SPG11: variants seen among roughly 807,000 people sequenced by gnomAD.
SPG11 encodes the protein spatacsin.
In SPG11, 222 loss-of-function variants were observed where a neutral mutation model predicts 274.0. That is an observed-to-expected ratio of 0.81 (90% CI 0.73 to 0.91). SPG11 has a LOEUF of 0.91. SPG11 is among the 40% of genes least tolerant of loss of function. SPG11 has a pLI of 0.00. For synonymous variants in SPG11, 1,144 were observed against 1,039.7 expected (o/e 1.10, Z -1.93); for missense variants, 3,114 against 2,872.7 (o/e 1.08, Z -1.92).
Position 44,564,697 on chromosome 15 carries a change from G to C in SPG11, c.7001C>G (p.Ala2334Gly), listed in dbSNP as rs566449829. 2.5e-6 allele frequency: 4 copies of C among 1,613,996 alleles called. No individual in the cohort carries two copies. The African/African-American group carries it at 4.0e-5, about 16-fold the overall frequency. Reference protein sequence around the residue: ...CILALPRFYQASIVAEAYDFV... With the variant: ...CILALPRFYQGSIVAEAYDFV... ...ATCGTAGGCCTCAGCCACAATAGAA[G>C]CCTTAAAAGGAGAGGTGAAGAAGGA... is the stretch of plus-strand genomic sequence containing the variant. The change falls in exon 39 of 40, where the codon GCT becomes GGT. Residue 2334 changes from alanine to glycine, a missense_variant and splice_region_variant. Ala to Gly is a moderately conservative substitution (Grantham distance 60, BLOSUM62 0). Transcript: ENST00000261866.
At chr15:44,658,407 G>A (rs914341118) in intron 3 of SPG11, among the ~76,000 whole-genome samples, 1 of 150,910 alleles carries the variant, frequency 6.6e-6, no homozygotes, top group African/African-American at 2.4e-5. Context: ...AACATCATTA[G>A]AGACAAGAGG....
intron 26 of SPG11, among the ~76,000 whole-genome samples, chr15:44,594,616 A>AG (rs2082987484): frequency 7.4e-6 from 1 of 134,538 alleles, no homozygotes; most frequent in South Asian, 2.4e-4. Flanking sequence ...AAAAAAAAAA[A>AG]GCCAGGCATG....
chr15:44,619,501 A>T (rs1436155304), intron 15 of SPG11, among the ~76,000 whole-genome samples: 1 of 152,192 alleles, frequency 6.6e-6, no homozygotes, highest in Non-Finnish European at 1.5e-5. Flanking sequence ...TTAATTCAGC[A>T]GTTCTCTTAG....
chr15:44,567,612 A>G lies in SPG11; in HGVS notation c.6586-20T>C, dbSNP rs1324890431. On this transcript the variant is annotated intron_variant, in intron 35 of 39. Coordinates refer to ENST00000261866, the MANE Select transcript of SPG11 (RefSeq NM_025137.4). ...ACCACTCTGCCCAGAATAAAAGGGA[A>G]AAAGCAAGGTGTCAGTCAGGGACTG... 2 of 1,613,698 alleles carry G rather than the reference A, an allele frequency of 1.2e-6. No individual in the cohort carries two copies. Among genetic ancestry groups the G allele is most frequent in the Admixed American group, 3.3e-5 (2 of 59,978 alleles).
chr15:44,578,524 A>G (rs1212606226), intron 30 of SPG11, among the ~76,000 whole-genome samples: 2 of 152,066 alleles, frequency 1.3e-5, no homozygotes, highest in African/African-American at 4.8e-5. Context: ...AGGGGGAAAA[A>G]CTAGCTGGGA....
At chr15:44,595,589 C>G in intron 25 of SPG11, 130 bp from the exon 26 acceptor site, 1 of 1,025,482 alleles carries the variant, frequency 9.8e-7, no homozygotes, top group Non-Finnish European at 1.5e-6. Context: ...GAAAAGCCTT[C>G]AAACATGAAA....
intron 8 of SPG11, among the ~76,000 whole-genome samples, chr15:44,630,418 G>A (rs1221758306): frequency 1.3e-5 from 2 of 152,120 alleles, no homozygotes; most frequent in African/African-American, 4.8e-5. Flanking sequence ...CAACAGAAGT[G>A]AATAATGACT....
chr15:44,654,555 T>C (rs192317565), intron 4 of SPG11, among the ~76,000 whole-genome samples: 1 of 152,028 alleles, frequency 6.6e-6, no homozygotes, highest in South Asian at 2.1e-4. Flanking sequence ...AAAGTTAAGA[T>C]TGGCTGGGCG....
At chr15:44,611,398 A>G (rs372447188) in intron 17 of SPG11, among the ~76,000 whole-genome samples, 1 of 152,324 alleles carries the variant, frequency 6.6e-6, no homozygotes, top group African/African-American at 2.4e-5. Context: ...ATAAAACTAT[A>G]TAATTCACTA....
chr15:44,582,438 T>C (rs1415270784), intron 30 of SPG11, among the ~76,000 whole-genome samples: 1 of 152,028 alleles, frequency 6.6e-6, no homozygotes, highest in Non-Finnish European at 1.5e-5. Context: ...ATCCCAGCTA[T>C]TCGGGAGGCT....
In SPG11 at chr15:44,648,894, C is replaced by A; in HGVS notation, c.1574G>T (p.Arg525Met). 2 of 1,614,068 alleles carry A rather than the reference C, an allele frequency of 1.2e-6. No individual in the cohort carries two copies. Among genetic ancestry groups the A allele is most frequent in the East Asian group, 2.2e-5 (1 of 44,862 alleles). Reference sequence around the variant, plus strand: ...TAGTGCATGTATGGGAATTGAGCACCTTCCCCAGCCATTGAGATGACAAAG... The same window carrying A: ...TAGTGCATGTATGGGAATTGAGCACATTCCCCAGCCATTGAGATGACAAAG... ...DTLCHLNGWG[R>M]CSIPIHALEA... Residue 525 changes from arginine to methionine, a missense_variant, in exon 7 of 40, where the codon AGG (arginine) becomes ATG (methionine). Physicochemically the swap from Arg to Met is moderately conservative, Grantham distance 91. Coordinates refer to ENST00000261866, the MANE Select transcript of SPG11 (RefSeq NM_025137.4).
intron 1 of SPG11, among the ~76,000 whole-genome samples, chr15:44,661,301 A>G (rs1401691479): frequency 1.3e-5 from 2 of 152,222 alleles, no homozygotes. Context: ...GGCAAGACTG[A>G]TGGTGTTTCA....
rs1445917673 is a variant in SPG11, at chr15:44,621,907, G to C, written c.2472C>G (p.Phe824Leu). Reference protein sequence around the residue: ...PRYWIKEQDFFKHKSVLDSFL... With the variant: ...PRYWIKEQDFLKHKSVLDSFL... Reference sequence around the variant, plus strand: ...ATGAGTCCAAAACAGACTTGTGCTTGAAAAAATCTTGTTCCTTTATCCAGT... The same window carrying C: ...ATGAGTCCAAAACAGACTTGTGCTTCAAAAAATCTTGTTCCTTTATCCAGT... Residue 824 changes from phenylalanine (F) to leucine (L), a missense_variant, in exon 14 of 40, where the codon TTC becomes TTG. Physicochemically the swap from Phe to Leu is conservative, Grantham distance 22 (BLOSUM62 0). Transcript: ENST00000261866. 1 of 1,611,908 alleles carries C rather than the reference G, an allele frequency of 6.2e-7. No homozygotes were observed. The highest frequency in any genetic ancestry group is 8.5e-7 in the Non-Finnish European group (1 of 1,179,394).
chr15:44,605,137 G>C (rs189540057), intron 20 of SPG11, among the ~76,000 whole-genome samples: 80 of 152,124 alleles, frequency 5.3e-4, no homozygotes, highest in Admixed American at 4.8e-3. Flanking sequence ...CTAAGTGATG[G>C]AGTTGGAGCC....
chr15:44,582,458 G>C (rs1425435226), intron 30 of SPG11, among the ~76,000 whole-genome samples: 1 of 152,164 alleles, frequency 6.6e-6, no homozygotes, highest in East Asian at 1.9e-4. Context: ...TGAGGCAGGC[G>C]AATCACTTGA....
At position 44,626,344 on chromosome 15, in the gene SPG11, A is replaced by G. The variant is rs2083896872; in HGVS notation, c.2231T>C (p.Leu744Pro). 1 of 1,611,974 alleles carries G rather than the reference A, an allele frequency of 6.2e-7. No homozygotes were observed. Among genetic ancestry groups the G allele is most frequent in the Non-Finnish European group, 8.5e-7 (1 of 1,179,598 alleles). The change falls in exon 11 of 40, where the codon CTT becomes CCT. Residue 744 changes from leucine (L) to proline (P), a missense_variant. Transcript: ENST00000261866. ...TACACCACTCACCATATTCTTCAAA[A>G]GTTCAGAGGCTTCCTTTATATTGTT... ...KKNNIKEASELLKNMGFDVKG... is the reference protein window; with the variant it reads ...KKNNIKEASEPLKNMGFDVKG...
Position 44,629,443 on chromosome 15 carries a change from A to G in SPG11, c.1736-55T>C. The G allele has an allele frequency of 2.0e-6, 3 of 1,520,092 alleles. No homozygotes were observed. In the South Asian group the frequency reaches 3.4e-5, roughly 17 times the overall value. 94.2% of individuals were successfully genotyped at this position (1,520,092 alleles called of 1,614,324 possible). ...AGAACACCAGGATACTCACAATAAA[A>G]TTAACATATCAAAAATATCATGTTA... On this transcript the variant is annotated intron_variant, in intron 8 of 39. Coordinates refer to ENST00000261866, the MANE Select transcript of SPG11 (RefSeq NM_025137.4).
chr15:44,651,950 G>A lies in SPG11; in HGVS notation c.1008-11C>T, dbSNP rs1194115804. On this transcript the variant is annotated splice_polypyrimidine_tract_variant and intron_variant, in intron 5 of 39. Transcript: ENST00000261866. ...TGGGCTTTCCAAGACCTGGAAACAA[G>A]GTAAAATATAACTTAACACCTGTCA... 1.2e-6 allele frequency: 2 copies of A among 1,606,632 alleles called. No individual in the cohort carries two copies. The highest frequency in any genetic ancestry group is 1.7e-6 in the Non-Finnish European group (2 of 1,178,350).
intron 7 of SPG11, among the ~76,000 whole-genome samples, chr15:44,643,001 G>C (rs908834610): frequency 6.6e-6 from 1 of 152,066 alleles, no homozygotes; most frequent in South Asian, 2.1e-4. Flanking sequence ...CCTTGATGGT[G>C]GATACAAGAA....
Sources: gnomAD v4.1 joint callset for allele counts (sites outside exome capture counted in the v4.1 genomes callset) on GRCh38, gnomAD v4.1.1 for gene constraint, MANE v1.5 for transcripts, NCBI Gene and HGNC (gene_info 2026-07-23, HGNC 2026-07-21) for gene names.